FIGN: variants seen among roughly 807,000 people sequenced by gnomAD.
FIGN encodes fidgetin, microtubule severing factor, also known as fidgetin.
A neutral mutation model predicts 51.3 loss-of-function variants in FIGN; 11 were observed. The observed-to-expected ratio is 0.21, with a 90% confidence interval of 0.13 to 0.35. The LOEUF (loss-of-function observed/expected upper bound fraction) is 0.35. FIGN is among the 10% of genes least tolerant of loss of function. The pLI is 1.00. For missense variants in FIGN, 857 were observed against 943.6 expected, an observed-to-expected ratio of 0.91 and a Z score of 1.20; for synonymous variants, 407 against 363.2, an observed-to-expected ratio of 1.12 and a Z score of -1.37.
chr2:163,670,134 G>A (rs1038823493), intron 2 of FIGN, among the ~76,000 whole-genome samples: 1 of 151,984 alleles, frequency 6.6e-6, no homozygotes, highest in African/African-American at 2.4e-5. Flanking sequence ...GATCTGCTTG[G>A]GTACATCACA....
chr2:163,731,396 T>A (rs1684926738), intron 2 of FIGN, among the ~76,000 whole-genome samples: 1 of 152,150 alleles, frequency 6.6e-6, no homozygotes, highest in African/African-American at 2.4e-5. Context: ...TACTACCTAT[T>A]TTCTTCTCTC....
chr2:163,660,716 C>T (rs1330207160), intron 2 of FIGN, among the ~76,000 whole-genome samples: 2 of 62,970 alleles, frequency 3.2e-5, no homozygotes, highest in African/African-American at 7.9e-5. Context: ...TACACATATA[C>T]ATATATATGT....
At chr2:163,673,906 A>G (rs534557737) in intron 2 of FIGN, among the ~76,000 whole-genome samples, 1 of 152,328 alleles carries the variant, frequency 6.6e-6, no homozygotes, top group African/African-American at 2.4e-5. Flanking sequence ...CACCTCTTAA[A>G]ATGATATGAA....
intron 2 of FIGN, among the ~76,000 whole-genome samples, chr2:163,660,995 T>C (rs1389675719): frequency 2.1e-5 from 3 of 140,426 alleles, no homozygotes; most frequent in Non-Finnish European, 4.6e-5. Context: ...GTGATTCTCC[T>C]GCCTCAGCCT....
intron 2 of FIGN, among the ~76,000 whole-genome samples, chr2:163,628,397 G>A (rs1683090575): frequency 6.6e-6 from 1 of 152,154 alleles, no homozygotes; most frequent in Admixed American, 6.6e-5. Context: ...GGTTCTGGAA[G>A]CAGAGTGGTT....
intron 2 of FIGN, among the ~76,000 whole-genome samples, chr2:163,712,291 G>A (rs577018267): frequency 2.7e-4 from 41 of 152,148 alleles, no homozygotes; most frequent in Non-Finnish European, 5.1e-4. Context: ...AATATAAAGT[G>A]AATCTTTGCA....
chr2:163,623,392 T>A (rs1683003624), intron 2 of FIGN, among the ~76,000 whole-genome samples: 2 of 152,288 alleles, frequency 1.3e-5, no homozygotes, highest in East Asian at 1.9e-4. Flanking sequence ...AAACTCCATA[T>A]CTTATTGGTG....
At chr2:163,691,873 T>C in intron 2 of FIGN, among the ~76,000 whole-genome samples, 1 of 152,140 alleles carries the variant, frequency 6.6e-6, no homozygotes, top group East Asian at 1.9e-4. Context: ...AAATGTTCTG[T>C]CCAAAGAAAA....
chr2:163,696,052 G>A (rs762187337), intron 2 of FIGN, among the ~76,000 whole-genome samples: 2 of 152,072 alleles, frequency 1.3e-5, no homozygotes, highest in Admixed American at 6.6e-5. Context: ...TGGAGGTTGC[G>A]GTGAGCCAAG....
At chr2:163,653,621 T>C (rs751502715) in intron 2 of FIGN, among the ~76,000 whole-genome samples, 29 of 152,098 alleles carry the variant, frequency 1.9e-4, no homozygotes, top group Admixed American at 6.5e-5. Context: ...ATTAATATTT[T>C]AAAGTACTAA....
chr2:163,676,787 C>G (rs948682460), intron 2 of FIGN, among the ~76,000 whole-genome samples: 2 of 151,952 alleles, frequency 1.3e-5, no homozygotes, highest in East Asian at 3.9e-4. Context: ...TGAAGTCATC[C>G]TTTTGAGAGC....
At chr2:163,618,857 A>T (rs1456207746) in intron 2 of FIGN, among the ~76,000 whole-genome samples, 1 of 152,132 alleles carries the variant, frequency 6.6e-6, no homozygotes, top group Non-Finnish European at 1.5e-5. Context: ...CAGTTTCTTA[A>T]CTTACATACC....
chr2:163,639,113 A>G (rs770905262), intron 2 of FIGN, among the ~76,000 whole-genome samples: 6 of 152,178 alleles, frequency 3.9e-5, no homozygotes, highest in Non-Finnish European at 7.4e-5. Context: ...TAAGGTGGAC[A>G]ACAAAAATAT....
Position 163,611,408 on chromosome 2 carries a change from C to T in FIGN, c.424G>A (p.Ala142Thr). The T allele has an allele frequency of 6.2e-7, 1 of 1,614,130 alleles. No individual in the cohort carries two copies. Among genetic ancestry groups the T allele is most frequent in the Non-Finnish European group, 8.5e-7 (1 of 1,180,012 alleles). The change falls in exon 3 of 3, where the codon GCA (alanine) becomes ACA (threonine). Residue 142 changes from alanine (A) to threonine (T), a missense_variant. Around this residue, in one of 3 missense-constraint regions of FIGN, gnomAD observed 799 missense variants for 849.5 expected, o/e 0.94. Transcript: ENST00000333129. ...KAGVSSALPP[A>T]DVSASIGSSP... ...CTTCCTATACTCGCAGAGACATCTG[C>T]TGGAGGGAGGGCTGAACTGACTCCA...
intron 2 of FIGN, among the ~76,000 whole-genome samples, chr2:163,626,704 G>A (rs1462268775): frequency 1.3e-5 from 2 of 152,112 alleles, no homozygotes; most frequent in African/African-American, 4.8e-5. Flanking sequence ...CTACTGGGCT[G>A]CATTCCCAGG....
chr2:163,721,509 C>G (rs1684756374), intron 2 of FIGN, among the ~76,000 whole-genome samples: 1 of 152,160 alleles, frequency 6.6e-6, no homozygotes, highest in Non-Finnish European at 1.5e-5. Flanking sequence ...GTTTCACAAT[C>G]TTTATTATTC....
intron 2 of FIGN, among the ~76,000 whole-genome samples, chr2:163,699,392 ACC>A (rs1014734512): frequency 6.6e-6 from 1 of 152,172 alleles, no homozygotes; most frequent in African/African-American, 2.4e-5. Flanking sequence ...CATGTTCAAA[ACC>A]ACACAGCTAC....
intron 2 of FIGN, among the ~76,000 whole-genome samples, chr2:163,634,111 TGTG>T (rs1683190537): frequency 3.3e-5 from 5 of 151,454 alleles, no homozygotes; most frequent in Admixed American, 6.6e-5. Context: ...TGTGTGTGTG[TGTG>T]TGTGTGTGTT....
chr2:163,677,085 T>A (rs1683984659), intron 2 of FIGN, among the ~76,000 whole-genome samples: 1 of 152,202 alleles, frequency 6.6e-6, no homozygotes, highest in East Asian at 1.9e-4. Flanking sequence ...ACGTGTACTT[T>A]AAGCCAAACA....
Sources: gnomAD v4.1 joint callset for allele counts (sites outside exome capture counted in the v4.1 genomes callset) on GRCh38, gnomAD v4.1.1 for gene constraint, gnomAD v4.1.1 regional missense constraint, MANE v1.5 for transcripts, NCBI Gene and HGNC (gene_info 2026-07-23, HGNC 2026-07-21) for gene names.